The following EPB41L5 variants were observed in gnomAD, a reference collection of about 807,000 sequenced individuals.
The protein encoded by EPB41L5 is erythrocyte membrane protein band 4.1 like 5.
EPB41L5 carries 55 observed loss-of-function variants against 106.6 expected under a neutral mutation model. The ratio of observed to expected loss-of-function variants is 0.52; its 90% CI spans 0.42 to 0.65. The LOEUF (loss-of-function observed/expected upper bound fraction) is 0.65, where lower values mean the gene tolerates loss of function less well. Ranked by LOEUF, EPB41L5 falls within the 30% of genes least tolerant of loss-of-function variation. EPB41L5 has a pLI of 0.00. For missense variants in EPB41L5, 871 were observed against 882.1 expected (o/e 0.99, Z 0.16); for synonymous variants, 297 against 306.7 (o/e 0.97, Z 0.33).
intron 5 of EPB41L5, 112 bp downstream of exon 5, chr2:120,074,290 T>G (rs1682079438): frequency 1.5e-6 from 1 of 686,466 alleles, no homozygotes; most frequent in Admixed American, 3.1e-5. Context: ...TGTCCCCTGG[T>G]AACAAGACCT....
intron 2 of EPB41L5, among the ~76,000 whole-genome samples, chr2:120,034,910 C>T (rs4144321): frequency 0.69 from 105,335 of 152,112 alleles, 37,875 homozygotes; most frequent in Non-Finnish European, 0.79. Flanking sequence ...GTTGTTGTTA[C>T]AAGCATTGTT....
In EPB41L5 at chr2:120,064,201, A is replaced by G. The variant is rs145733754; in HGVS notation, c.286-8977A>G. 7.6e-3 allele frequency among the ~76,000 whole-genome samples: 1,160 copies of G among 152,328 alleles called. 17 individuals are homozygous for G. The highest frequency in any genetic ancestry group is 0.026 in the African/African-American group (1,070 of 41,562). ...TTAGTATAGGTTTTTAACTTTTAAG[A>G]TTATTCACAGTGTAAAAATTTGTTT... On this transcript the variant is annotated intron_variant, in intron 3 of 24. Coordinates refer to ENST00000263713, the MANE Select transcript of EPB41L5 (RefSeq NM_020909.4).
Position 120,177,623 on chromosome 2 carries a change from A to T in EPB41L5, c.*2716A>T, listed in dbSNP as rs1223898415. On this transcript the variant is annotated 3_prime_UTR_variant, in exon 25 of 25. Coordinates refer to ENST00000263713, the MANE Select transcript of EPB41L5 (RefSeq NM_020909.4). ...CATGTCAGTAGCATCATCTTTTGAC[A>T]CACAGGAGGTCATGGTCATTTCATT... 3.9e-5 allele frequency: 6 copies of T among 152,244 alleles called. No homozygotes were observed. Among genetic ancestry groups the T allele is most frequent in the African/African-American group, 9.6e-5 (4 of 41,460 alleles). The allele number at this position is 152,244 out of a possible 1,614,324, so 9.4% of individuals were successfully genotyped here.
At chr2:120,091,102 A>C (rs538061504) in intron 12 of EPB41L5, among the ~76,000 whole-genome samples, 1 of 152,358 alleles carries the variant, frequency 6.6e-6, no homozygotes, top group African/African-American at 2.4e-5. Flanking sequence ...AAAAGTAAGG[A>C]GGCATTTTCT....
At chr2:120,145,639 T>TA (rs985469923) in intron 19 of EPB41L5, among the ~76,000 whole-genome samples, 2 of 151,952 alleles carry the variant, frequency 1.3e-5, no homozygotes, top group African/African-American at 4.8e-5. Context: ...AACTGTACTT[T>TA]AAAAAAAATT....
intron 14 of EPB41L5, among the ~76,000 whole-genome samples, chr2:120,093,533 A>G (rs547222487): frequency 5.9e-5 from 9 of 152,346 alleles, no homozygotes; most frequent in Non-Finnish European, 1.0e-4. Context: ...GTTATTGGCA[A>G]GTGGCTGAGG....
intron 4 of EPB41L5, among the ~76,000 whole-genome samples, chr2:120,073,476 G>A (rs1259498533): frequency 3.3e-5 from 5 of 152,144 alleles, no homozygotes; most frequent in East Asian, 3.8e-4. Context: ...GACTTTCCCC[G>A]AAATGCTTAA....
At position 120,083,410 on chromosome 2, in the gene EPB41L5, T is replaced by TG. The variant is rs199734517; in HGVS notation, c.804-3759dup. Among the ~76,000 whole-genome samples, 1,182 of 152,238 alleles carry TG rather than the reference T, an allele frequency of 7.8e-3. 13 individuals carry two copies. The highest frequency in any genetic ancestry group is 0.026 in the African/African-American group (1,086 of 41,544). On this transcript the variant is annotated intron_variant, in intron 10 of 24. Transcript: ENST00000263713. ...GTTGTTCATTTTCCATGTAGTTGAG[T>TG]GGTTTTGAGTGTTTCTTAATCCTGA...
At chr2:120,115,300 TATGTC>T (rs1341610546) in intron 16 of EPB41L5, among the ~76,000 whole-genome samples, 12 of 152,368 alleles carry the variant, frequency 7.9e-5, no homozygotes, top group Middle Eastern at 3.4e-3. Context: ...TTTGTTTCTG[TATGTC>T]ATGTCTTTTT....
intron 14 of EPB41L5, among the ~76,000 whole-genome samples, chr2:120,097,517 T>C (rs540490870): frequency 6.6e-6 from 1 of 152,366 alleles, no homozygotes; most frequent in South Asian, 2.1e-4. Flanking sequence ...TTGTACTGTT[T>C]TGGCTCTTAA....
chr2:120,022,892 A>T (rs755854135), intron 2 of EPB41L5, among the ~76,000 whole-genome samples: 1 of 152,178 alleles, frequency 6.6e-6, no homozygotes, highest in Non-Finnish European at 1.5e-5. Flanking sequence ...ATGAGATGGT[A>T]TCTCATTGTG....
intron 3 of EPB41L5, among the ~76,000 whole-genome samples, chr2:120,052,327 C>T (rs562935084): frequency 1.2e-4 from 18 of 152,090 alleles, no homozygotes; most frequent in Non-Finnish European, 1.3e-4. Flanking sequence ...GAAAAATAAC[C>T]GAAGTGATTC....
chr2:120,101,954 G>A (rs1371299290), intron 16 of EPB41L5, among the ~76,000 whole-genome samples: 6 of 152,164 alleles, frequency 3.9e-5, no homozygotes, highest in Non-Finnish European at 7.4e-5. Context: ...TGTAAAGAGT[G>A]AGGCTTATAA....
At chr2:120,017,783 A>G (rs17669044) in intron 1 of EPB41L5, among the ~76,000 whole-genome samples, 7,006 of 152,222 alleles carry the variant, frequency 0.046, 232 homozygotes, top group Non-Finnish European at 0.072. Flanking sequence ...ATGAATGCTC[A>G]GAAAAGAAAT....
intron 18 of EPB41L5, among the ~76,000 whole-genome samples, chr2:120,135,885 A>G (rs1685903087): frequency 6.6e-6 from 1 of 152,120 alleles, no homozygotes; most frequent in African/African-American, 2.4e-5. Context: ...GAGCAATAAG[A>G]TAATCATCTG....
At chr2:120,130,509 G>T (rs1340487874) in intron 17 of EPB41L5, among the ~76,000 whole-genome samples, 1 of 152,148 alleles carries the variant, frequency 6.6e-6, no homozygotes, top group African/African-American at 2.4e-5. Context: ...GCAGAAAAAG[G>T]TTTAACAACA....
intron 22 of EPB41L5, among the ~76,000 whole-genome samples, chr2:120,166,419 A>G (rs1374207967): frequency 6.6e-6 from 1 of 150,446 alleles, no homozygotes; most frequent in Non-Finnish European, 1.5e-5. Context: ...TGCTGTTAAC[A>G]TGCATCTAAA....
At chr2:120,036,731 A>C (rs190694008) in intron 2 of EPB41L5, among the ~76,000 whole-genome samples, 44 of 152,334 alleles carry the variant, frequency 2.9e-4, no homozygotes, top group Middle Eastern at 3.4e-3. Context: ...TATAAGAAGT[A>C]TAATCTATAG....
intron 1 of EPB41L5, among the ~76,000 whole-genome samples, chr2:120,014,037 C>T (rs1199223720): frequency 6.6e-6 from 1 of 152,140 alleles, no homozygotes; most frequent in Non-Finnish European, 1.5e-5. Context: ...TAACATTATT[C>T]GAAAACGATA....
Sources: allele counts gnomAD v4.1 joint callset (sites outside exome capture counted in the v4.1 genomes callset), GRCh38; gene constraint gnomAD v4.1.1; transcripts MANE v1.5; gene names NCBI Gene and HGNC (gene_info 2026-07-23, HGNC 2026-07-21).